Variants in CROT observed in about 807,000 individuals in gnomAD.
CROT encodes the protein peroxisomal carnitine O-octanoyltransferase.
In CROT, 84 loss-of-function variants were observed where a neutral mutation model predicts 89.2. That is an observed-to-expected ratio of 0.94 (90% CI 0.79 to 1.13). CROT has a LOEUF of 1.13. Ranked by LOEUF, CROT falls within the 50% of genes most tolerant of loss-of-function variation. CROT has a pLI of 0.00. For synonymous variants in CROT, 212 were observed against 239.5 expected, an observed-to-expected ratio of 0.89 and a Z score of 1.06; for missense variants, 711 against 727.8, an observed-to-expected ratio of 0.98 and a Z score of 0.27.
chr7:87,377,213 A>G (rs1361574106), intron 9 of CROT, 136 bp from the exon 10 acceptor site: 1 of 551,708 alleles, frequency 1.8e-6, no homozygotes, highest in African/African-American at 1.9e-5. Flanking sequence ...AGTGTTGCTG[A>G]TCATAACTAT....
At chr7:87,374,177 A>G (rs1156231211) in intron 7 of CROT, among the ~76,000 whole-genome samples, 1 of 152,132 alleles carries the variant, frequency 6.6e-6, no homozygotes, top group East Asian at 1.9e-4. Context: ...AATATAAAAA[A>G]TTAGATGTGT....
At chr7:87,348,777 G>A (rs1439105609) in intron 2 of CROT, among the ~76,000 whole-genome samples, 1 of 152,212 alleles carries the variant, frequency 6.6e-6, no homozygotes, top group African/African-American at 2.4e-5. Context: ...ATGCAAACTG[G>A]AGTACCTGGC....
chr7:87,372,989 A>G (rs1322962044), intron 7 of CROT, among the ~76,000 whole-genome samples: 1 of 151,994 alleles, frequency 6.6e-6, no homozygotes. Flanking sequence ...TCTTGGGTAT[A>G]TTTTAGGGGT....
At chr7:87,368,978 A>G (rs1408288601) in intron 6 of CROT, among the ~76,000 whole-genome samples, 1 of 152,246 alleles carries the variant, frequency 6.6e-6, no homozygotes, top group Admixed American at 6.5e-5. Flanking sequence ...CAATTAAATT[A>G]TCTGATGAGT....
At chr7:87,367,356 A>C (rs1490210385) in intron 6 of CROT, among the ~76,000 whole-genome samples, 2 of 152,184 alleles carry the variant, frequency 1.3e-5, no homozygotes, top group Non-Finnish European at 2.9e-5. Context: ...AAGCTGGAAA[A>C]AGGAAGGAAA....
chr7:87,385,182 T>C (rs1807150069), intron 13 of CROT, among the ~76,000 whole-genome samples: 2 of 152,266 alleles, frequency 1.3e-5, no homozygotes, highest in South Asian at 2.1e-4. Flanking sequence ...TCTGGGTCTT[T>C]TGTGGTTCCA....
intron 13 of CROT, among the ~76,000 whole-genome samples, chr7:87,387,524 G>C (rs1003647479): frequency 6.6e-6 from 1 of 151,696 alleles, no homozygotes; most frequent in Non-Finnish European, 1.5e-5. Flanking sequence ...CAAGCCCCCA[G>C]TGCATTAGAA....
chr7:87,386,997 G>T (rs922438842), intron 13 of CROT, among the ~76,000 whole-genome samples: 1 of 152,058 alleles, frequency 6.6e-6, no homozygotes, highest in African/African-American at 2.4e-5. Flanking sequence ...GTGTAGTATT[G>T]TGAGTCCATG....
intron 9 of CROT, 29 bp downstream of exon 9, chr7:87,375,982 T>TTA: frequency 6.5e-7 from 1 of 1,534,246 alleles, no homozygotes; most frequent in Non-Finnish European, 8.7e-7. Flanking sequence ...TTTTTTTTTT[T>TTA]ATTGCAGATT....
rs775193685 is a variant in CROT, at chr7:87,381,900, C to T, written c.979-10C>T. 1 of 1,583,030 alleles carries T rather than the reference C, an allele frequency of 6.3e-7. No individual in the cohort carries two copies. Among genetic ancestry groups the T allele is most frequent in the Non-Finnish European group, 8.6e-7 (1 of 1,163,718 alleles). On this transcript the variant is annotated splice_polypyrimidine_tract_variant and intron_variant, in intron 10 of 17. Coordinates refer to ENST00000331536, the MANE Select transcript of CROT (RefSeq NM_021151.4). ...AAAGTATTCAGAAATCTTGTGTGTT[C>T]TCATTTTAGCATGCTCCTTTTGATG... is the stretch of plus-strand genomic sequence containing the variant.
At chr7:87,384,244 C>T (rs1277093886) in intron 13 of CROT, among the ~76,000 whole-genome samples, 5 of 151,974 alleles carry the variant, frequency 3.3e-5, no homozygotes, top group Non-Finnish European at 7.4e-5. Flanking sequence ...CTATTAAGAT[C>T]ATTTGTCACT....
intron 3 of CROT, chr7:87,354,543 G>T: frequency 2.8e-6 from 1 of 352,386 alleles, no homozygotes; most frequent in Non-Finnish European, 5.8e-6. Flanking sequence ...TATACTAGAG[G>T]TAAACATTGC....
intron 9 of CROT, 29 bp downstream of exon 9, chr7:87,375,982 T>TA: frequency 2.0e-6 from 3 of 1,534,246 alleles, no homozygotes; most frequent in Non-Finnish European, 2.6e-6. Flanking sequence ...TTTTTTTTTT[T>TA]ATTGCAGATT....
At position 87,377,540 on chromosome 7, in the gene CROT, A is replaced by G. The variant is rs113420572; in HGVS notation, c.978+90A>G. The G allele has an allele frequency of 2.6e-5, 19 of 728,768 alleles. 2 individuals are homozygous for G. The highest frequency in any genetic ancestry group is 2.5e-4 in the African/African-American group (14 of 56,188). The allele number at this position is 728,768 out of a possible 1,614,324, so 45.1% of individuals were successfully genotyped here. On this transcript the variant is annotated intron_variant, in intron 10 of 17. Coordinates refer to ENST00000331536, the MANE Select transcript of CROT (RefSeq NM_021151.4). ...AAATACTTGTGCTGGGGAACAGTGT[A>G]AGTGAATAGTAATTTAGTTTTATGG...
chr7:87,348,842 C>T (rs1045144433), intron 2 of CROT, among the ~76,000 whole-genome samples: 2 of 152,196 alleles, frequency 1.3e-5, no homozygotes, highest in African/African-American at 4.8e-5. Flanking sequence ...ACTGATCACT[C>T]TTTACTTCTA....
chr7:87,352,717 C>T (rs1805908937), intron 3 of CROT, among the ~76,000 whole-genome samples: 1 of 152,062 alleles, frequency 6.6e-6, no homozygotes, highest in African/African-American at 2.4e-5. Flanking sequence ...TAGAGGAAAA[C>T]AAAACATAAG....
intron 3 of CROT, among the ~76,000 whole-genome samples, chr7:87,353,974 C>G (rs1173409076): frequency 6.6e-6 from 1 of 152,224 alleles, no homozygotes; most frequent in Non-Finnish European, 1.5e-5. Flanking sequence ...AAAGATTCTA[C>G]AGTCTTGTAG....
intron 7 of CROT, chr7:87,375,344 C>A: frequency 3.3e-6 from 1 of 300,822 alleles, no homozygotes. Context: ...TTACTTGCAA[C>A]CTAGAAGTGC....
intron 3 of CROT, chr7:87,357,514 A>C: frequency 1.3e-6 from 2 of 1,549,768 alleles, no homozygotes; most frequent in Non-Finnish European, 1.7e-6. Flanking sequence ...TAGTCACCAG[A>C]ACATGCTACC....
Sources: gnomAD v4.1 joint callset for allele counts (sites outside exome capture counted in the v4.1 genomes callset) on GRCh38, gnomAD v4.1.1 for gene constraint, MANE v1.5 for transcripts, NCBI Gene and HGNC (gene_info 2026-07-23, HGNC 2026-07-21) for gene names.